Variants in PPP2R1B observed in about 807,000 individuals in gnomAD.
PPP2R1B encodes serine/threonine-protein phosphatase 2A 65 kDa regulatory subunit A beta isoform.
A neutral mutation model predicts 72.7 loss-of-function variants in PPP2R1B; 58 were observed. The observed-to-expected ratio is 0.80, with a 90% CI of 0.65 to 0.99. The LOEUF (loss-of-function observed/expected upper bound fraction) is 0.99, where lower values mean the gene tolerates loss of function less well. Ranked by LOEUF, PPP2R1B falls within the 50% of genes least tolerant of loss-of-function variation. The pLI, the probability that PPP2R1B is intolerant of heterozygous loss-of-function variation, is 0.00. For synonymous variants in PPP2R1B, 256 were observed against 264.6 expected (o/e 0.97, Z 0.32); for missense variants, 695 against 733.6 (o/e 0.95, Z 0.61).
the PPP2R1B span, chr11:111,720,818 G>A: frequency 1.3e-6 from 2 of 1,573,462 alleles, no homozygotes; most frequent in Non-Finnish European, 1.7e-6. Flanking sequence ...GCAGTTTCTT[G>A]CCATGTTGGT....
chr11:111,760,774 T>A (rs782661229), intron 4 of PPP2R1B, 45 bp downstream of exon 4: 5 of 1,534,076 alleles, frequency 3.3e-6, no homozygotes, highest in Non-Finnish European at 4.5e-6. Context: ...CATAGCTTAC[T>A]ACCTGATTTC....
chr11:111,703,756 A>G, the PPP2R1B span, among the ~76,000 whole-genome samples: 2 of 152,158 alleles, frequency 1.3e-5, no homozygotes, highest in African/African-American at 2.4e-5. Context: ...GTTTGTATGG[A>G]ATGTAAATGT....
At chr11:111,726,725 TAAG>T (rs1943979679), downstream of PPP2R1B, 1 of 527,668 alleles carries the variant, frequency 1.9e-6, no homozygotes, top group Non-Finnish European at 3.4e-6. Context: ...AACAAAACAC[TAAG>T]AAGGCTTAGT....
intron 5 of PPP2R1B, among the ~76,000 whole-genome samples, chr11:111,757,370 A>C (rs1296758889): frequency 6.6e-6 from 1 of 152,234 alleles, no homozygotes; most frequent in Non-Finnish European, 1.5e-5. Context: ...ACAATAACTG[A>C]CTATATGCCA....
the PPP2R1B span, chr11:111,720,987 A>G: frequency 6.2e-7 from 1 of 1,614,172 alleles, no homozygotes; most frequent in Non-Finnish European, 8.5e-7. Context: ...TGTATGAACA[A>G]ATAGGACCGG....
chr11:111,700,177 G>A, the PPP2R1B span, among the ~76,000 whole-genome samples: 2 of 152,196 alleles, frequency 1.3e-5, no homozygotes, highest in Non-Finnish European at 2.9e-5. Context: ...TGCATTCTCT[G>A]TATCAAAACT....
chr11:111,743,562 T>C, intron 11 of PPP2R1B, 32 bp from the exon 12 acceptor site: 1 of 1,578,100 alleles, frequency 6.3e-7, no homozygotes, highest in East Asian at 2.3e-5. Flanking sequence ...TGTTCTCATA[T>C]CGCTTATTGT....
At chr11:111,694,269 C>T in the PPP2R1B span, among the ~76,000 whole-genome samples, 1 of 152,106 alleles carries the variant, frequency 6.6e-6, no homozygotes, top group Non-Finnish European at 1.5e-5. Flanking sequence ...CTTATTAATA[C>T]AAACCTTTTA....
intron 8 of PPP2R1B, among the ~76,000 whole-genome samples, chr11:111,753,879 A>G (rs1591698221): frequency 6.6e-6 from 1 of 151,588 alleles, no homozygotes; most frequent in East Asian, 1.9e-4. Context: ...TTGGCCTCTC[A>G]AAGCGCTGGG....
downstream of PPP2R1B, among the ~76,000 whole-genome samples, chr11:111,736,551 T>C (rs1457901854): frequency 6.6e-6 from 1 of 152,146 alleles, no homozygotes; most frequent in African/African-American, 2.4e-5. Flanking sequence ...CACCCAGCCC[T>C]TCCTCTCACT....
the PPP2R1B span, among the ~76,000 whole-genome samples, chr11:111,708,722 C>T: frequency 2.6e-5 from 4 of 151,954 alleles, no homozygotes; most frequent in African/African-American, 9.7e-5. Context: ...TAGCTGGGAC[C>T]ACAAGTGCAT....
At chr11:111,726,828 T>A (rs1351183505), downstream of PPP2R1B, 40 of 735,800 alleles carry the variant, frequency 5.4e-5, no homozygotes, top group Admixed American at 8.3e-4. Flanking sequence ...TGTATCATCA[T>A]CAGCTTCATC....
chr11:111,761,403 T>C (rs1945322896), intron 3 of PPP2R1B: 1 of 379,352 alleles, frequency 2.6e-6, no homozygotes, highest in African/African-American at 2.1e-5. Flanking sequence ...GTATATTTCC[T>C]CAAGAGTAAG....
chr11:111,701,374 AG>A, the PPP2R1B span: 2 of 1,506,510 alleles, frequency 1.3e-6, no homozygotes, highest in Non-Finnish European at 1.8e-6. This position sits in a 1 kb window ranked among gnomAD's most constrained non-coding sequence, Gnocchi z 4.2. Flanking sequence ...TGATTTCAAG[AG>A]CCCTGGGGAT....
the PPP2R1B span, chr11:111,712,094 TA>T: frequency 9.0e-7 from 1 of 1,106,342 alleles, no homozygotes; most frequent in South Asian, 1.5e-5. Flanking sequence ...GAGTTTCCAA[TA>T]AATAAATATT....
intron 15 of PPP2R1B, chr11:111,728,495 T>C (rs1027180657): frequency 6.6e-6 from 1 of 152,122 alleles, no homozygotes; most frequent in Non-Finnish European, 1.5e-5. Context: ...CACCATGTTG[T>C]CCAGGCTGAT....
chr11:111,733,910 C>G (rs1190339230), downstream of PPP2R1B, among the ~76,000 whole-genome samples: 1 of 152,172 alleles, frequency 6.6e-6, no homozygotes, highest in Non-Finnish European at 1.5e-5. Flanking sequence ...CCCACCCAGC[C>G]CGGGAGCCAC....
chr11:111,752,237 T>C lies in PPP2R1B; in HGVS notation c.1260A>G (p.Ile420Met). The C allele has an allele frequency of 1.2e-6, 2 of 1,614,094 alleles. No homozygotes were observed. Among genetic ancestry groups the C allele is most frequent in the Non-Finnish European group, 1.7e-6 (2 of 1,179,986 alleles). ...RQLSQSLLPAIVELAEDAKWR... is the reference protein window; with the variant it reads ...RQLSQSLLPAMVELAEDAKWR... Reference sequence around the variant, plus strand: ...ATTTGGCATCTTCTGCCAGCTCCACTATGGCAGGAAGGAGAGACTGAGAGA... The same window carrying C: ...ATTTGGCATCTTCTGCCAGCTCCACCATGGCAGGAAGGAGAGACTGAGAGA... The change falls in exon 10 of 15, where the codon ATA becomes ATG. Residue 420 changes from isoleucine to methionine, a missense_variant. Coordinates refer to ENST00000527614, the MANE Select transcript of PPP2R1B (RefSeq NM_002716.5).
the PPP2R1B span, chr11:111,720,006 A>G: frequency 6.2e-7 from 1 of 1,611,662 alleles, no homozygotes; most frequent in South Asian, 1.1e-5. Flanking sequence ...TGGGGCAGGT[A>G]CGGTAGAGGA....
Sources: allele counts gnomAD v4.1 joint callset (sites outside exome capture counted in the v4.1 genomes callset), GRCh38; gene constraint gnomAD v4.1.1; non-coding constraint Gnocchi (gnomAD v3.1); transcripts MANE v1.5; gene names NCBI Gene and HGNC (gene_info 2026-07-23, HGNC 2026-07-21).